The following PHLPP1 variants were observed in gnomAD, a reference collection of about 807,000 sequenced individuals.
PHLPP1 encodes PH domain and leucine rich repeat protein phosphatase 1, also known as PH domain leucine-rich repeat-containing protein phosphatase 1.
PHLPP1 carries 42 observed loss-of-function variants against 117.2 expected under a neutral mutation model. The observed-to-expected ratio is 0.36, with a 90% CI of 0.28 to 0.46. The LOEUF (loss-of-function observed/expected upper bound fraction) is 0.46, where lower values mean the gene tolerates loss of function less well. Among genes scored for constraint, PHLPP1 ranks in the 20% least tolerant of loss-of-function variants. The pLI is 1.00. For missense variants in PHLPP1, 2,084 were observed against 2,241.9 expected (o/e 0.93, Z 1.42); for synonymous variants, 1,042 against 970.7 (o/e 1.07, Z -1.37).
chr18:62,722,301 T>G (rs1274958064), intron 1 of PHLPP1, among the ~76,000 whole-genome samples: 2 of 152,206 alleles, frequency 1.3e-5, no homozygotes, highest in African/African-American at 4.8e-5. Context: ...CATCTTAGAT[T>G]TAATGATTTT....
chr18:62,860,417 A>C lies in PHLPP1; in HGVS notation c.1900-18A>C. 6.2e-7 allele frequency: 1 copy of C among 1,609,236 alleles called. No individual in the cohort carries two copies. The highest frequency in any genetic ancestry group is 8.5e-7 in the Non-Finnish European group (1 of 1,176,392). On this transcript the variant is annotated intron_variant, in intron 3 of 16. Coordinates refer to ENST00000262719, the MANE Select transcript of PHLPP1 (RefSeq NM_194449.4). The stretch of plus-strand genomic sequence containing the variant: ...GGATAAGTGGATGGTATTAAAATTA[A>C]GTTTTATCCCCCTTTAGGTTGCATC...
At chr18:62,952,983 G>C (rs1295486084) in intron 12 of PHLPP1, among the ~76,000 whole-genome samples, 1 of 152,140 alleles carries the variant, frequency 6.6e-6, no homozygotes, top group African/African-American at 2.4e-5. Flanking sequence ...TGTGTTTAGG[G>C]TAAAAGTTGA....
At chr18:62,924,159 G>A (rs1909555696) in intron 10 of PHLPP1, among the ~76,000 whole-genome samples, 1 of 152,216 alleles carries the variant, frequency 6.6e-6, no homozygotes, top group African/African-American at 2.4e-5. Context: ...ACATTTTGTT[G>A]TTGGATGATA....
At chr18:62,873,003 A>AAAG (rs1349418117) in intron 4 of PHLPP1, among the ~76,000 whole-genome samples, 16 of 79,998 alleles carry the variant, frequency 2.0e-4, no homozygotes, top group African/African-American at 4.6e-4. Flanking sequence ...AAAAAAAAAA[A>AAAG]AAAAGAAAAG....
In PHLPP1 at chr18:62,716,206, AAGACGCTGCTTCTGAAGCACCGGC is replaced by A. The variant is rs1185242756; in HGVS notation, c.533_556del (p.Leu178_Leu185del). On this transcript the variant is annotated inframe_deletion, in exon 1 of 17. Coordinates refer to ENST00000262719, the MANE Select transcript of PHLPP1 (RefSeq NM_194449.4). This position sits in a 1 kb window ranked among gnomAD's most constrained non-coding sequence, Gnocchi z 5.7. ...GCTGTGCACCCGGAGCCTGGACAGGAAGACGCTGCTTCTGAAGCACCGGCAGACGCTGCAGCTGCAGCCGTCGGA... is the reference window on the plus strand; with the variant it reads ...GCTGTGCACCCGGAGCCTGGACAGGAAGACGCTGCAGCTGCAGCCGTCGGA... 3.9e-6 allele frequency: 6 copies of A among 1,527,426 alleles called. No homozygotes were observed. Among genetic ancestry groups the A allele is most frequent in the Admixed American group, 2.0e-5 (1 of 50,384 alleles). 94.6% of individuals were successfully genotyped at this position (1,527,426 alleles called of 1,614,324 possible).
At chr18:62,737,146 C>T (rs1189066202) in intron 1 of PHLPP1, among the ~76,000 whole-genome samples, 2 of 152,104 alleles carry the variant, frequency 1.3e-5, no homozygotes, top group Non-Finnish European at 2.9e-5. Context: ...AAGTAGAATC[C>T]TCTGGAAAGG....
chr18:62,785,995 T>C (rs1479952557), intron 1 of PHLPP1, among the ~76,000 whole-genome samples: 7 of 152,218 alleles, frequency 4.6e-5, no homozygotes, highest in African/African-American at 1.7e-4. Context: ...TCTTTGACTT[T>C]CTATCCCTGC....
intron 1 of PHLPP1, among the ~76,000 whole-genome samples, chr18:62,723,993 T>C (rs1271610847): frequency 2.0e-5 from 3 of 152,182 alleles, no homozygotes; most frequent in African/African-American, 4.8e-5. Flanking sequence ...CTGTAAGACA[T>C]GGCTATGGGC....
At chr18:62,836,305 G>A (rs970064539) in intron 2 of PHLPP1, among the ~76,000 whole-genome samples, 1 of 150,990 alleles carries the variant, frequency 6.6e-6, no homozygotes, top group African/African-American at 2.4e-5. Context: ...AGTGGCAGGC[G>A]CCTGTAATCC....
chr18:62,891,131 A>G (rs1329408383), intron 4 of PHLPP1, among the ~76,000 whole-genome samples: 3 of 152,206 alleles, frequency 2.0e-5, no homozygotes, highest in Non-Finnish European at 2.9e-5. Context: ...ACATACTATT[A>G]AAAATATTTA....
intron 12 of PHLPP1, among the ~76,000 whole-genome samples, chr18:62,946,654 T>TGTGC (rs984431771): frequency 1.3e-5 from 2 of 152,270 alleles, no homozygotes; most frequent in African/African-American, 4.8e-5. Context: ...TGTGTGTGTG[T>TGTGC]GCGCACGCAT....
chr18:62,757,518 C>G (rs559489338), intron 1 of PHLPP1, among the ~76,000 whole-genome samples: 5 of 152,320 alleles, frequency 3.3e-5, no homozygotes, highest in African/African-American at 1.2e-4. Context: ...CCCATTTTAA[C>G]TTCTGAAAAG....
intron 14 of PHLPP1, among the ~76,000 whole-genome samples, chr18:62,965,995 A>C (rs554475043): frequency 6.6e-6 from 1 of 152,234 alleles, no homozygotes; most frequent in Admixed American, 6.5e-5. Context: ...ATAATTTTGG[A>C]TAACTTGTTT....
chr18:62,805,688 C>A (rs1397116347), intron 1 of PHLPP1, among the ~76,000 whole-genome samples: 3 of 152,026 alleles, frequency 2.0e-5, no homozygotes. Context: ...TGGTGTCTTT[C>A]GATGGCATAC....
At chr18:62,778,225 A>C (rs551456645) in intron 1 of PHLPP1, among the ~76,000 whole-genome samples, 4 of 152,304 alleles carry the variant, frequency 2.6e-5, no homozygotes, top group Admixed American at 2.0e-4. Context: ...CCATTGTGAT[A>C]CAGGAGACTT....
intron 14 of PHLPP1, among the ~76,000 whole-genome samples, chr18:62,967,270 G>T (rs925912716): frequency 6.6e-6 from 1 of 152,178 alleles, no homozygotes; most frequent in African/African-American, 2.4e-5. Flanking sequence ...CTAGGGATAA[G>T]GATTGCTGGG....
intron 1 of PHLPP1, among the ~76,000 whole-genome samples, chr18:62,723,733 T>G (rs1910988716): frequency 6.6e-6 from 1 of 152,160 alleles, no homozygotes; most frequent in Non-Finnish European, 1.5e-5. Context: ...GGGAAACAAT[T>G]TTTTCCTTTT....
At chr18:62,843,545 C>T (rs1003383582) in intron 3 of PHLPP1, among the ~76,000 whole-genome samples, 2 of 152,130 alleles carry the variant, frequency 1.3e-5, no homozygotes, top group African/African-American at 4.8e-5. Context: ...ATATTGCTTA[C>T]CAAAATAATA....
intron 1 of PHLPP1, among the ~76,000 whole-genome samples, chr18:62,810,286 A>G (rs1032671584): frequency 2.6e-4 from 39 of 152,252 alleles, no homozygotes; most frequent in Admixed American, 1.4e-3. Context: ...TCAAAATGCC[A>G]TATTTCCCTA....
Sources: allele counts gnomAD v4.1 joint callset (sites outside exome capture counted in the v4.1 genomes callset), GRCh38; gene constraint gnomAD v4.1.1; non-coding constraint Gnocchi (gnomAD v3.1); transcripts MANE v1.5; gene names NCBI Gene and HGNC (gene_info 2026-07-23, HGNC 2026-07-21).